The following FKTN variants were observed in gnomAD, a reference collection of about 807,000 sequenced individuals.
FKTN encodes the protein ribitol-5-phosphate transferase FKTN.
In FKTN, 47 loss-of-function variants were observed where a neutral mutation model predicts 58.6. That is an observed-to-expected ratio of 0.80 (90% CI 0.63 to 1.02). The LOEUF (loss-of-function observed/expected upper bound fraction) is 1.02. Among genes scored for constraint, FKTN ranks in the 50% least tolerant of loss-of-function variants. The pLI is 0.00. For synonymous variants in FKTN, 178 were observed against 191.9 expected (o/e 0.93, Z 0.60); for missense variants, 516 against 537.3 (o/e 0.96, Z 0.39).
At chr9:105,600,150 CT>C (rs1827618102) in intron 4 of FKTN, among the ~76,000 whole-genome samples, 2 of 152,108 alleles carry the variant, frequency 1.3e-5, no homozygotes, top group African/African-American at 4.8e-5. Flanking sequence ...TAATAAACCC[CT>C]ATAAGGCAGA....
chr9:105,591,373 G>A lies in FKTN; in HGVS notation c.106-5225G>A, dbSNP rs138456447. 3.3e-3 allele frequency among the ~76,000 whole-genome samples: 497 copies of A among 152,254 alleles called. 5 individuals carry two copies. Among genetic ancestry groups the A allele is most frequent in the African/African-American group, 0.011 (470 of 41,528 alleles). On this transcript the variant is annotated intron_variant, in intron 3 of 10. Coordinates refer to ENST00000357998, the MANE Select transcript of FKTN (RefSeq NM_001079802.2). ...TTAGTTACTCCCAAGATTCGATGGG[G>A]GTATAGTCATTGGGTAAATACTCCT... is the stretch of plus-strand genomic sequence containing the variant.
chr9:105,637,991 G>C lies in FKTN; in HGVS notation c.*2727G>C, dbSNP rs1219463529. 1 of 985,204 alleles carries C rather than the reference G, an allele frequency of 1.0e-6. No individual in the cohort carries two copies. The highest frequency in any genetic ancestry group is 1.7e-5 in the African/African-American group (1 of 57,228). 61.0% of individuals were successfully genotyped at this position (985,204 alleles called of 1,614,324 possible). A position where few individuals can be genotyped will look rare whatever the true frequency, so the allele number is the denominator to read the frequency against. Reference sequence around the variant, plus strand: ...CCACTAGGTGACAGAATGTTTGCCAGTATCCCCACAAAACAAGTTAAAACT... The same window carrying C: ...CCACTAGGTGACAGAATGTTTGCCACTATCCCCACAAAACAAGTTAAAACT... On this transcript the variant is annotated 3_prime_UTR_variant, in exon 11 of 11. Coordinates refer to ENST00000357998, the MANE Select transcript of FKTN (RefSeq NM_001079802.2).
chr9:105,616,879 C>CAAAAAAAAAAAAAA (rs377163590), intron 8 of FKTN, among the ~76,000 whole-genome samples: 1 of 119,876 alleles, frequency 8.3e-6, no homozygotes, highest in African/African-American at 3.2e-5. Flanking sequence ...TAGAATAAGC[C>CAAAAAAAAAAAAAA]AAAAAAAAAA....
At chr9:105,604,696 T>C (rs957256185) in intron 6 of FKTN, among the ~76,000 whole-genome samples, 2 of 152,168 alleles carry the variant, frequency 1.3e-5, no homozygotes, top group Admixed American at 1.3e-4. Flanking sequence ...GGCTCATGCA[T>C]GTAATCCCAG....
rs375974384 is a variant in FKTN, at chr9:105,579,474, C to T, written c.105+4337C>T. Among the ~76,000 whole-genome samples the T allele has an allele frequency of 9.2e-4, 139 of 151,826 alleles. 1 individual carries two copies. The highest frequency in any genetic ancestry group is 2.5e-3 in the African/African-American group (103 of 41,282). On this transcript the variant is annotated intron_variant, in intron 3 of 10. Coordinates refer to ENST00000357998, the MANE Select transcript of FKTN (RefSeq NM_001079802.2). Reference sequence around the variant, plus strand: ...GTTCAGTTTCCATGTAGTTGAGCGGCTTTGAGTGAGTTTCTTAATCCTGAG... The same window carrying T: ...GTTCAGTTTCCATGTAGTTGAGCGGTTTTGAGTGAGTTTCTTAATCCTGAG...
chr9:105,620,775 A>ATAGTAGTAGTAGTAGTAG (rs58977246), intron 10 of FKTN, among the ~76,000 whole-genome samples: 33 of 145,434 alleles, frequency 2.3e-4, no homozygotes, highest in East Asian at 8.2e-4. Flanking sequence ...TAATACTACT[A>ATAGTAGTAGTAGTAGTAG]TAGTAGTAGT....
intron 1 of FKTN, among the ~76,000 whole-genome samples, chr9:105,558,637 A>G (rs1463456918): frequency 3.7e-5 from 5 of 136,460 alleles, no homozygotes; most frequent in Admixed American, 7.1e-5. Context: ...TCAGATGTGG[A>G]AAAAAAAAAA....
At chr9:105,632,427 A>AT (rs879501514) in intron 10 of FKTN, among the ~76,000 whole-genome samples, 5,132 of 148,076 alleles carry the variant, frequency 0.035, 104 homozygotes, top group Admixed American at 0.058. Context: ...AATAAAAAAA[A>AT]ATATATATAT....
chr9:105,630,140 T>A (rs957858350), intron 10 of FKTN, among the ~76,000 whole-genome samples: 2 of 152,040 alleles, frequency 1.3e-5, no homozygotes, highest in Admixed American at 1.3e-4. Context: ...ACATGGCACA[T>A]GTATACATAT....
chr9:105,626,774 C>T lies in FKTN; in HGVS notation c.1172+6713C>T, dbSNP rs546781789. On this transcript the variant is annotated intron_variant, in intron 10 of 10. Coordinates refer to ENST00000357998, the MANE Select transcript of FKTN (RefSeq NM_001079802.2). ...ATTGTCAGACTTCTTAATTTGTAACCATTTTGGTAGGTGTGTAGTGTTACC... is the reference window on the plus strand; with the variant it reads ...ATTGTCAGACTTCTTAATTTGTAACTATTTTGGTAGGTGTGTAGTGTTACC... Among the ~76,000 whole-genome samples the T allele has an allele frequency of 3.9e-5, 6 of 152,158 alleles. No homozygotes were observed. In the East Asian group the frequency reaches 9.6e-4, roughly 24 times the overall value.
chr9:105,595,622 T>A (rs1826633783), intron 3 of FKTN, among the ~76,000 whole-genome samples: 1 of 152,118 alleles, frequency 6.6e-6, no homozygotes, highest in East Asian at 1.9e-4. Flanking sequence ...CATCTCTCCA[T>A]CCCTTCCTCT....
At chr9:105,574,089 AG>A (rs1473720206) in intron 2 of FKTN, 2 of 152,258 alleles carry the variant, frequency 1.3e-5, no homozygotes, top group Non-Finnish European at 2.9e-5. Flanking sequence ...TTGTAGTTAT[AG>A]AATACAATAG....
At chr9:105,598,972 A>C (rs1256158986) in intron 4 of FKTN, among the ~76,000 whole-genome samples, 1 of 152,028 alleles carries the variant, frequency 6.6e-6, no homozygotes, top group Non-Finnish European at 1.5e-5. Context: ...AAATTGGACT[A>C]TTAAAATTTT....
chr9:105,599,961 T>C (rs977194126), intron 4 of FKTN, among the ~76,000 whole-genome samples: 18 of 145,838 alleles, frequency 1.2e-4, no homozygotes, highest in African/African-American at 5.0e-4. Flanking sequence ...TGAGGGCAGT[T>C]TTTTTTTTTC....
intron 3 of FKTN, among the ~76,000 whole-genome samples, chr9:105,594,712 C>G (rs979286319): frequency 6.6e-6 from 1 of 152,182 alleles, no homozygotes; most frequent in South Asian, 2.1e-4. Context: ...CGCCACTGCA[C>G]TCCAGCCTGG....
intron 1 of FKTN, among the ~76,000 whole-genome samples, chr9:105,559,076 G>A (rs902544793): frequency 3.3e-5 from 5 of 152,210 alleles, no homozygotes; most frequent in African/African-American, 1.2e-4. Flanking sequence ...TCTTGGATCT[G>A]GGTGATGATA....
Position 105,601,158 on chromosome 9 carries a change from A to C in FKTN, c.179A>C (p.Lys60Thr). The C allele has an allele frequency of 6.2e-7, 1 of 1,600,416 alleles. No homozygotes were observed. Among genetic ancestry groups the C allele is most frequent in the Admixed American group, 1.7e-5 (1 of 59,894 alleles). The part of the protein sequence containing the change: ...FDSTQWRAVK[K>T]FIMLTSNQNV... ...TCTCTCAAACAGCGTGCAGTTAAAA[A>C]ATTTATTATGTTAACATCCAACCAA... Residue 60 changes from lysine (K) to threonine (T), a missense_variant, in exon 5 of 11, where the codon AAA becomes ACA. Lys to Thr is a moderately conservative substitution (Grantham distance 78). Coordinates refer to ENST00000357998, the MANE Select transcript of FKTN (RefSeq NM_001079802.2).
intron 3 of FKTN, among the ~76,000 whole-genome samples, chr9:105,589,147 T>C (rs1844408657): frequency 6.6e-6 from 1 of 152,206 alleles, no homozygotes; most frequent in Admixed American, 6.5e-5. Flanking sequence ...AGGAATCTGT[T>C]TACAAAGCTA....
chr9:105,623,788 A>C (rs184677721), intron 10 of FKTN, among the ~76,000 whole-genome samples: 1 of 152,348 alleles, frequency 6.6e-6, no homozygotes, highest in African/African-American at 2.4e-5. Flanking sequence ...GTACTCTGAT[A>C]GCAGTACTGT....
Sources: gnomAD v4.1 joint callset for allele counts (sites outside exome capture counted in the v4.1 genomes callset) on GRCh38, gnomAD v4.1.1 for gene constraint, MANE v1.5 for transcripts, NCBI Gene and HGNC (gene_info 2026-07-23, HGNC 2026-07-21) for gene names.